THADA: variants seen among roughly 807,000 people sequenced by gnomAD.
THADA encodes the protein THADA armadillo repeat containing.
In THADA, 213 loss-of-function variants were observed where a neutral mutation model predicts 219.8. The ratio of observed to expected loss-of-function variants is 0.97; its 90% CI spans 0.87 to 1.09. The LOEUF is 1.09. Ranked by LOEUF, THADA falls within the 50% of genes least tolerant of loss-of-function variation. The pLI is 0.00. For missense variants in THADA, 2,956 were observed against 2,311.3 expected (o/e 1.28, Z -5.72); for synonymous variants, 1,018 against 828.9 (o/e 1.23, Z -3.92).
intron 28 of THADA, among the ~76,000 whole-genome samples, chr2:43,405,900 G>A (rs1373254103): frequency 6.6e-6 from 1 of 152,082 alleles, no homozygotes; most frequent in Non-Finnish European, 1.5e-5. Flanking sequence ...CCAACAATAA[G>A]CCACAACAGA....
At chr2:43,346,330 A>G (rs1445213199) in intron 29 of THADA, among the ~76,000 whole-genome samples, 2 of 152,194 alleles carry the variant, frequency 1.3e-5, no homozygotes, top group Non-Finnish European at 2.9e-5. Flanking sequence ...GAAAAATGAG[A>G]CCATCCTTTG....
intron 8 of THADA, among the ~76,000 whole-genome samples, chr2:43,580,024 C>CTTTTTTTTTTTT (rs34171011): frequency 1.6e-5 from 2 of 122,834 alleles, no homozygotes; most frequent in African/African-American, 3.2e-5. Flanking sequence ...AAAGCTACTT[C>CTTTTTTTTTTTT]TTTTTTTTTT....
At chr2:43,562,396 C>T (rs1056205747) in intron 15 of THADA, 2 of 152,284 alleles carry the variant, frequency 1.3e-5, no homozygotes, top group African/African-American at 4.8e-5. Flanking sequence ...AGGTACCTGC[C>T]ACCACGCCCG....
chr2:43,336,313 T>C (rs1666425065), intron 30 of THADA, among the ~76,000 whole-genome samples: 1 of 151,778 alleles, frequency 6.6e-6, no homozygotes, highest in East Asian at 2.0e-4. Flanking sequence ...ACTCTGTCGC[T>C]CAGGCTGGAG....
chr2:43,352,483 G>A lies in THADA; in HGVS notation c.4228-8246C>T, dbSNP rs543853517. Among the ~76,000 whole-genome samples the A allele has an allele frequency of 4.6e-5, 7 of 152,124 alleles. No individual in the cohort carries two copies. The South Asian group carries it at 1.5e-3, about 32-fold the overall frequency. On this transcript the variant is annotated intron_variant, in intron 29 of 37. Coordinates refer to ENST00000405975, the MANE Select transcript of THADA (RefSeq NM_022065.5). ...TGAGGCAGGAGAATCACTTGAACCTGGGAGGTGGAGGTTGCGGTGAGCAGA... is the reference window on the plus strand; with the variant it reads ...TGAGGCAGGAGAATCACTTGAACCTAGGAGGTGGAGGTTGCGGTGAGCAGA...
intron 36 of THADA, among the ~76,000 whole-genome samples, chr2:43,244,222 G>C (rs1007757699): frequency 6.6e-6 from 1 of 152,098 alleles, no homozygotes; most frequent in Admixed American, 6.5e-5. Flanking sequence ...TTATTCAATA[G>C]GGACATACTT....
intron 26 of THADA, among the ~76,000 whole-genome samples, chr2:43,447,886 T>C (rs1358272577): frequency 2.0e-5 from 3 of 152,252 alleles, no homozygotes; most frequent in Non-Finnish European, 4.4e-5. Flanking sequence ...GGTCTTTGCA[T>C]ATATCCCAAT....
chr2:43,506,576 G>A (rs1034545568), intron 23 of THADA, among the ~76,000 whole-genome samples: 1 of 152,162 alleles, frequency 6.6e-6, no homozygotes, highest in African/African-American at 2.4e-5. Context: ...CTGAGTGGCA[G>A]GGGTAGAGAG....
At chr2:43,511,005 A>T (rs544816913) in intron 22 of THADA, among the ~76,000 whole-genome samples, 1 of 152,018 alleles carries the variant, frequency 6.6e-6, no homozygotes, top group South Asian at 2.1e-4. Context: ...AAAAAAAAGC[A>T]AAAATTTTTT....
At chr2:43,231,459 G>C (rs1053447562) in intron 37 of THADA, 116 bp from the exon 38 acceptor site, 1 of 1,088,728 alleles carries the variant, frequency 9.2e-7, no homozygotes, top group Non-Finnish European at 1.3e-6. Context: ...CCACCTGACA[G>C]AGGGTGCACT....
chr2:43,354,937 T>C (rs1450908131), intron 29 of THADA, among the ~76,000 whole-genome samples: 4 of 152,138 alleles, frequency 2.6e-5, no homozygotes, highest in Non-Finnish European at 5.9e-5. Flanking sequence ...CCCCTTTTCC[T>C]TGGCACTTCT....
chr2:43,545,922 A>G (rs1368800609), intron 20 of THADA, among the ~76,000 whole-genome samples: 1 of 151,634 alleles, frequency 6.6e-6, no homozygotes, highest in Non-Finnish European at 1.5e-5. Context: ...CTAGCTTTTG[A>G]ATGTGTTTGC....
chr2:43,512,829 G>C (rs762167895), intron 22 of THADA, among the ~76,000 whole-genome samples: 11 of 152,194 alleles, frequency 7.2e-5, no homozygotes, highest in Non-Finnish European at 1.3e-4. Context: ...TATCATACTG[G>C]AAATATATTT....
intron 28 of THADA, among the ~76,000 whole-genome samples, chr2:43,419,184 A>T (rs546306131): frequency 7.6e-4 from 116 of 152,352 alleles, no homozygotes; most frequent in Non-Finnish European, 8.1e-4. Context: ...GTAGGCCCTC[A>T]GTAAATACAC....
intron 26 of THADA, chr2:43,430,506 C>T (rs996002588): frequency 1.8e-6 from 1 of 545,296 alleles, no homozygotes; most frequent in Non-Finnish European, 3.3e-6. Flanking sequence ...AATCCATGAA[C>T]TTTTATCTCA....
Position 43,540,378 on chromosome 2 carries a change from T to C in THADA, c.3264+781A>G, listed in dbSNP as rs188576389. Among the ~76,000 whole-genome samples the C allele has an allele frequency of 9.2e-5, 14 of 152,328 alleles. No individual in the cohort carries two copies. The East Asian group carries it at 2.7e-3, about 29-fold the overall frequency. ...AAAAAAAGTATTAGCATTATTTCCA[T>C]GGAACTAGTCATGTGGTTATTATAG... On this transcript the variant is annotated intron_variant, in intron 21 of 37. Transcript: ENST00000405975.
At chr2:43,462,355 T>C (rs1031931780) in intron 26 of THADA, among the ~76,000 whole-genome samples, 26 of 152,120 alleles carry the variant, frequency 1.7e-4, no homozygotes, top group Non-Finnish European at 2.9e-5. Context: ...AAAGAGAATT[T>C]CCTGAAATAG....
intron 35 of THADA, among the ~76,000 whole-genome samples, chr2:43,280,692 A>C (rs1016923732): frequency 6.6e-6 from 1 of 152,172 alleles, no homozygotes. Context: ...GAGACCCATG[A>C]TAAAGGCAGC....
intron 29 of THADA, among the ~76,000 whole-genome samples, chr2:43,351,107 C>A (rs11899984): frequency 0.23 from 34,638 of 152,018 alleles, 4,519 homozygotes; most frequent in African/African-American, 0.35. Context: ...CACCCAGATG[C>A]TAAAAACAAC....
Sources: gnomAD v4.1 joint callset for allele counts (sites outside exome capture counted in the v4.1 genomes callset) on GRCh38, gnomAD v4.1.1 for gene constraint, MANE v1.5 for transcripts, NCBI Gene and HGNC (gene_info 2026-07-23, HGNC 2026-07-21) for gene names.